The following CSF1R variants were observed in gnomAD, a reference collection of about 807,000 sequenced individuals.
CSF1R encodes colony stimulating factor 1 receptor, also known as macrophage colony-stimulating factor 1 receptor.
In CSF1R, 40 loss-of-function variants were observed where a neutral mutation model predicts 110.0. The ratio of observed to expected loss-of-function variants is 0.36; its 90% CI spans 0.28 to 0.47. CSF1R has a LOEUF of 0.47. Ranked by LOEUF, CSF1R falls within the 20% of genes least tolerant of loss-of-function variation. The pLI is 0.99. For missense variants in CSF1R, 1,052 were observed against 1,253.0 expected, an observed-to-expected ratio of 0.84 and a Z score of 2.42; for synonymous variants, 523 against 503.4, an observed-to-expected ratio of 1.04 and a Z score of -0.52.
rs2113778058 is a variant in CSF1R, at chr5:150,056,033, G to C, written c.2547C>G (p.Phe849Leu). 6.2e-7 allele frequency: 1 copy of C among 1,614,160 alleles called. No homozygotes were observed. Among genetic ancestry groups the C allele is most frequent in the Non-Finnish European group, 8.5e-7 (1 of 1,179,986 alleles). The change falls in exon 18 of 21, where the codon TTC (phenylalanine) becomes TTG (leucine). Residue 849 changes from phenylalanine (F) to leucine (L), a missense_variant. Physicochemically the swap from Phe to Leu is conservative, Grantham distance 22. Coordinates refer to ENST00000675795, the MANE Select transcript of CSF1R (RefSeq NM_001288705.3). ...WSYGILLWEI[F>L]SLGLNPYPGI... ...GTGGGCCCAGTGGCTCACCAAGTGA[G>C]AAGATCTCCCAGAGGAGGATGCCAT...
At chr5:150,058,455 C>T (rs540783006) in intron 14 of CSF1R, among the ~76,000 whole-genome samples, 5 of 152,292 alleles carry the variant, frequency 3.3e-5, no homozygotes, top group African/African-American at 4.8e-5. Context: ...AAAAACCTTC[C>T]GCTCCCTTGT....
chr5:150,080,934 C>T lies in CSF1R; in HGVS notation c.140G>A (p.Ser47Asn), dbSNP rs2113833507. ...TGATGGGGGGCCATCCCATTCCACG[C>T]TGCCATTGCCCACACATCGCAAGGT... ...TVTLRCVGNG[S>N]VEWDGPPSPH... The change falls in exon 2 of 21, where the codon AGC becomes AAC. Residue 47 changes from serine (S) to asparagine (N), a missense_variant. Ser to Asn is a conservative substitution (Grantham distance 46, BLOSUM62 1). This residue lies in a region of CSF1R where 693 missense variants were observed against 735.4 expected (regional missense o/e 0.94). Transcript: ENST00000675795. 4.3e-6 allele frequency: 7 copies of T among 1,614,214 alleles called. No homozygotes were observed. The highest frequency in any genetic ancestry group is 5.9e-6 in the Non-Finnish European group (7 of 1,180,032).
upstream of CSF1R, among the ~76,000 whole-genome samples, chr5:150,087,103 T>A (rs890882949): frequency 6.6e-6 from 1 of 152,198 alleles, no homozygotes; most frequent in Admixed American, 6.5e-5. Context: ...GATCTGACGT[T>A]ATCTCTAGGT....
chr5:150,080,861 G>A lies in CSF1R; in HGVS notation c.213C>T (p.Thr71=), dbSNP rs748810303. 2.5e-6 allele frequency: 4 copies of A among 1,614,174 alleles called. No individual in the cohort carries two copies. In the South Asian group the frequency reaches 3.3e-5, roughly 13 times the overall value. Residue 71 remains threonine (T), a synonymous_variant, in exon 2 of 21, where the codon ACC becomes ACT. Coordinates refer to ENST00000675795, the MANE Select transcript of CSF1R (RefSeq NM_001288705.3). The stretch of plus-strand genomic sequence containing the variant: ...CCGTGTTTTGGAAGGTAGCGTTGTT[G>A]GTGCTGAGGATGCTGCTGGAGCCAT... ...YSDGSSSILS[T]NNATFQNTGT... is the part of the protein sequence containing the mutation.
chr5:150,106,869 A>G (rs1759574475), intron 1 of CSF1R, among the ~76,000 whole-genome samples: 1 of 152,170 alleles, frequency 6.6e-6, no homozygotes, highest in Admixed American at 6.5e-5. Flanking sequence ...CCTGTCTTAT[A>G]GTCTCTCGTG....
chr5:150,076,821 C>G, intron 5 of CSF1R: 1 of 232,290 alleles, frequency 4.3e-6, no homozygotes, highest in South Asian at 6.4e-5. Flanking sequence ...CCGGCCAACT[C>G]ACCTTCATTC....
chr5:150,075,327 C>T (rs1448575767), intron 5 of CSF1R, among the ~76,000 whole-genome samples: 1 of 152,204 alleles, frequency 6.6e-6, no homozygotes, highest in Non-Finnish European at 1.5e-5. Flanking sequence ...CAGCTCCAGC[C>T]TGGACCACTG....
chr5:150,074,340 C>T (rs1286816673), intron 5 of CSF1R, among the ~76,000 whole-genome samples: 1 of 133,740 alleles, frequency 7.5e-6, no homozygotes, highest in Admixed American at 8.3e-5. Context: ...CAGAGTCTTG[C>T]TCTGTCATCC....
At chr5:150,065,504 G>A (rs184548703) in intron 10 of CSF1R, among the ~76,000 whole-genome samples, 1 of 152,302 alleles carries the variant, frequency 6.6e-6, no homozygotes, top group East Asian at 1.9e-4. Context: ...CCCTGAGGCA[G>A]AACAAACACT....
chr5:150,070,389 G>A (rs1000063045), intron 7 of CSF1R, 67 bp downstream of exon 7: 2 of 1,576,850 alleles, frequency 1.3e-6, no homozygotes, highest in Non-Finnish European at 1.7e-6. Flanking sequence ...CCCTGCCCCA[G>A]TCAACCCCAT....
intron 9 of CSF1R, 82 bp downstream of exon 9, chr5:150,069,791 G>A: frequency 4.7e-6 from 6 of 1,273,058 alleles, no homozygotes; most frequent in Non-Finnish European, 6.3e-6. Context: ...TCCCTCGGTG[G>A]GGGGTGGGGG....
At chr5:150,065,554 T>C (rs1757728323) in intron 10 of CSF1R, among the ~76,000 whole-genome samples, 1 of 152,012 alleles carries the variant, frequency 6.6e-6, no homozygotes, top group African/African-American at 2.4e-5. Context: ...GCCTGGGCAA[T>C]GAGGAGAGGC....
chr5:150,079,598 C>T (rs757829588), intron 3 of CSF1R, among the ~76,000 whole-genome samples: 1 of 152,230 alleles, frequency 6.6e-6, no homozygotes, highest in African/African-American at 2.4e-5. Flanking sequence ...GCTGAGCTTC[C>T]GTCCTCTTTC....
At chr5:150,067,409 C>T (rs578140771) in intron 10 of CSF1R, among the ~76,000 whole-genome samples, 2 of 152,350 alleles carry the variant, frequency 1.3e-5, no homozygotes, top group African/African-American at 2.4e-5. Flanking sequence ...ACTGTCCCAA[C>T]CTCTCAGAAC....
In CSF1R at chr5:150,080,300, A is replaced by G. The variant is rs1758476977; in HGVS notation, c.344T>C (p.Val115Ala). 6.2e-7 allele frequency: 1 copy of G among 1,613,682 alleles called. No individual in the cohort carries two copies. Among genetic ancestry groups the G allele is most frequent in the Non-Finnish European group, 8.5e-7 (1 of 1,180,006 alleles). The change falls in exon 3 of 21, where the codon GTG becomes GCG. Residue 115 changes from valine (V) to alanine (A), a missense_variant. This residue lies in a region of CSF1R where 693 missense variants were observed against 735.4 expected (regional missense o/e 0.94). Coordinates refer to ENST00000675795, the MANE Select transcript of CSF1R (RefSeq NM_001288705.3). ...TGCGTCCTGGTCCTCGAACACGACC[A>G]CCTCCTGTGCTAGCACGTTCCAGGG... The part of the protein sequence containing the change: ...ARPWNVLAQE[V>A]VVFEDQDALL...
upstream of CSF1R, among the ~76,000 whole-genome samples, chr5:150,090,389 A>C (rs1178152411): frequency 3.3e-5 from 5 of 152,234 alleles, no homozygotes; most frequent in Non-Finnish European, 7.3e-5. Flanking sequence ...GTCAAGATAT[A>C]GAACAGCTCC....
At position 150,073,428 on chromosome 5, in the gene CSF1R, G is replaced by A; in HGVS notation, c.955C>T (p.Leu319Phe). The A allele has an allele frequency of 6.2e-7, 1 of 1,614,102 alleles. No homozygotes were observed. The highest frequency in any genetic ancestry group is 8.5e-7 in the Non-Finnish European group (1 of 1,179,998). ...LIQEVTVGEG[L>F]NLKVMVEAYP... ...GCCTCCACCATGACTTTGAGGTTGA[G>A]CCCCTCCCCCACGGTCACCTCCTGG... Residue 319 changes from leucine to phenylalanine, a missense_variant, in exon 6 of 21, where the codon CTC becomes TTC. Coordinates refer to ENST00000675795, the MANE Select transcript of CSF1R (RefSeq NM_001288705.3).
At chr5:150,058,363 T>C (rs934784779) in intron 14 of CSF1R, 2 of 456,082 alleles carry the variant, frequency 4.4e-6, no homozygotes, top group South Asian at 3.1e-5. Context: ...ATAGGATTTC[T>C]CTCTCCCTCC....
At chr5:150,106,858 C>A (rs1759573946) in intron 1 of CSF1R, among the ~76,000 whole-genome samples, 1 of 152,200 alleles carries the variant, frequency 6.6e-6, no homozygotes, top group African/African-American at 2.4e-5. Flanking sequence ...CTGACTGAGT[C>A]CCTGTCTTAT....
Sources: allele counts gnomAD v4.1 joint callset (sites outside exome capture counted in the v4.1 genomes callset), GRCh38; gene constraint gnomAD v4.1.1; regional missense constraint gnomAD v4.1.1; transcripts MANE v1.5; gene names NCBI Gene and HGNC (gene_info 2026-07-23, HGNC 2026-07-21).